ANKRD62: variants seen among roughly 807,000 people sequenced by gnomAD.
The protein encoded by ANKRD62 is ankyrin repeat domain-containing protein 62.
A neutral mutation model predicts 98.8 loss-of-function variants in ANKRD62; 61 were observed. The ratio of observed to expected loss-of-function variants is 0.62; its 90% CI spans 0.50 to 0.76. The LOEUF (loss-of-function observed/expected upper bound fraction) is 0.76, where lower values mean the gene tolerates loss of function less well. Ranked by LOEUF, ANKRD62 falls within the 30% of genes least tolerant of loss-of-function variation. The pLI is 0.00. For missense variants in ANKRD62, 933 were observed against 1,082.9 expected (o/e 0.86, Z 1.94); for synonymous variants, 341 against 367.9 (o/e 0.93, Z 0.84).
At chr18:12,102,702 G>C (rs990083770) in intron 6 of ANKRD62, 6 of 1,035,742 alleles carry the variant, frequency 5.8e-6, no homozygotes, top group Non-Finnish European at 7.0e-6. Flanking sequence ...ATAATGAACG[G>C]GGTGTATATG....
At chr18:12,139,490 G>A in the ANKRD62 span, among the ~76,000 whole-genome samples, 134,350 of 151,864 alleles carry the variant, frequency 0.88, 59,552 homozygotes, top group Middle Eastern at 0.98. Flanking sequence ...TAAAAATACT[G>A]AAAAAATGAG....
the ANKRD62 span, among the ~76,000 whole-genome samples, chr18:12,162,938 T>C: frequency 2.0e-4 from 31 of 152,210 alleles, no homozygotes; most frequent in Middle Eastern, 6.8e-3. Flanking sequence ...TAGTTTGAGG[T>C]CAGGAAATGT....
At chr18:12,139,459 A>G in the ANKRD62 span, among the ~76,000 whole-genome samples, 1 of 152,196 alleles carries the variant, frequency 6.6e-6, no homozygotes, top group African/African-American at 2.4e-5. Flanking sequence ...CCTGGCTAAC[A>G]TGGTGAAACC....
the ANKRD62 span, among the ~76,000 whole-genome samples, chr18:12,170,224 G>A: frequency 6.6e-6 from 1 of 151,982 alleles, no homozygotes; most frequent in Admixed American, 6.6e-5. Flanking sequence ...GTGATGTTAG[G>A]GTGTCAATTT....
chr18:12,100,959 G>A (rs963505630), intron 6 of ANKRD62, among the ~76,000 whole-genome samples: 1 of 152,150 alleles, frequency 6.6e-6, no homozygotes, highest in African/African-American at 2.4e-5. Context: ...ACCGGGGGCT[G>A]CCTCTTTGAA....
chr18:12,139,853 T>G, the ANKRD62 span, among the ~76,000 whole-genome samples: 2 of 152,144 alleles, frequency 1.3e-5, no homozygotes, highest in Non-Finnish European at 2.9e-5. Context: ...AGGAGTATCT[T>G]TGTGGCATTC....
chr18:12,120,509 G>A (rs927630276), intron 10 of ANKRD62, among the ~76,000 whole-genome samples: 1 of 152,090 alleles, frequency 6.6e-6, no homozygotes, highest in Non-Finnish European at 1.5e-5. Context: ...TCTTGCAGCC[G>A]ATTTGTGTCT....
At position 12,093,991 on chromosome 18, in the gene ANKRD62, G is replaced by T; in HGVS notation, c.-27G>T. 6.5e-7 allele frequency: 1 copy of T among 1,533,832 alleles called. No individual in the cohort carries two copies. Among genetic ancestry groups the T allele is most frequent in the Non-Finnish European group, 8.7e-7 (1 of 1,146,216 alleles). The stretch of plus-strand genomic sequence containing the variant: ...TGAGGTGTCTTAAAGCCGTTCCTCA[G>T]CCTGGGAGAAGATCTCTGGCTTCAG... On this transcript the variant is annotated 5_prime_UTR_variant, in exon 1 of 14. Transcript: ENST00000587848.
At chr18:12,101,017 T>A (rs774790613) in intron 6 of ANKRD62, among the ~76,000 whole-genome samples, 3 of 152,192 alleles carry the variant, frequency 2.0e-5, no homozygotes, top group Non-Finnish European at 4.4e-5. Context: ...AAAATACATG[T>A]AGGATAATGG....
chr18:12,171,547 C>T, the ANKRD62 span, among the ~76,000 whole-genome samples: 1 of 152,180 alleles, frequency 6.6e-6, no homozygotes, highest in Non-Finnish European at 1.5e-5. Context: ...GTCAACCCAA[C>T]CTTTCTCTCT....
At position 12,119,105 on chromosome 18, in the gene ANKRD62, A is replaced by C. The variant is rs74738833; in HGVS notation, c.1241-3198A>C. 3.1e-3 allele frequency among the ~76,000 whole-genome samples: 479 copies of C among 152,228 alleles called. 3 individuals are homozygous for C. Among genetic ancestry groups the C allele is most frequent in the African/African-American group, 0.011 (451 of 41,558 alleles). On this transcript the variant is annotated intron_variant, in intron 10 of 13. Coordinates refer to ENST00000587848, the MANE Select transcript of ANKRD62 (RefSeq NM_001277333.2). ...TCAGGTTATTTATTGCTTCTTGGTT[A>C]AGATTTAGTAATTTTCCCTTTTAAG...
chr18:12,095,275 C>T lies in ANKRD62; in HGVS notation c.323C>T (p.Ala108Val). The T allele has an allele frequency of 6.5e-7, 1 of 1,540,146 alleles. No homozygotes were observed. The highest frequency in any genetic ancestry group is 1.2e-5 in the South Asian group (1 of 84,060). ...CTCACTGACAGTGAAAACAGGACAG[C>T]TCTGATCAAGGTATATGGTAGCCAA... The part of the protein sequence containing the change: ...LNLTDSENRT[A>V]LIKAVQCQEE... The change falls in exon 2 of 14, where the codon GCT (alanine) becomes GTT (valine). Residue 108 changes from alanine to valine, a missense_variant. By Grantham distance (64) the Ala-to-Val change is moderately conservative. Transcript: ENST00000587848.
chr18:12,113,530 G>A (rs1315154199), intron 8 of ANKRD62, among the ~76,000 whole-genome samples: 1 of 152,216 alleles, frequency 6.6e-6, no homozygotes, highest in Admixed American at 6.5e-5. Context: ...GGAGGCTAAG[G>A]CAGGAGAATT....
At chr18:12,158,246 A>G in the ANKRD62 span, among the ~76,000 whole-genome samples, 1 of 152,210 alleles carries the variant, frequency 6.6e-6, no homozygotes, top group Non-Finnish European at 1.5e-5. Context: ...TAGCCAGCTG[A>G]TGCTGATCAC....
the ANKRD62 span, among the ~76,000 whole-genome samples, chr18:12,156,826 T>C: frequency 1.3e-5 from 2 of 152,240 alleles, no homozygotes; most frequent in African/African-American, 2.4e-5. Flanking sequence ...CTTTGAGTCA[T>C]TGCTTGATTG....
the ANKRD62 span, among the ~76,000 whole-genome samples, chr18:12,153,864 C>T: frequency 6.6e-6 from 1 of 152,146 alleles, no homozygotes; most frequent in African/African-American, 2.4e-5. Context: ...GGGAAAGATT[C>T]CCTATTCAGT....
rs1159696369 is a variant in ANKRD62, at chr18:12,112,110, TCAA to T, written c.1065-2977_1065-2975del. Among the ~76,000 whole-genome samples, 13 of 81,864 alleles carry T rather than the reference TCAA, an allele frequency of 1.6e-4. No individual in the cohort carries two copies. In the South Asian group the frequency reaches 2.3e-3, roughly 15 times the overall value. The allele number at this position is 81,864 out of a possible 152,430, so 53.7% of individuals were successfully genotyped here. A position where few individuals can be genotyped will look rare whatever the true frequency, so the allele number is the denominator to read the frequency against. ...AGGCCGACAACAGCAAGACTCCAAC[TCAA>T]AAAAAAAAAAAAAAAAAAAAGTCAT... On this transcript the variant is annotated intron_variant, in intron 8 of 13. Coordinates refer to ENST00000587848, the MANE Select transcript of ANKRD62 (RefSeq NM_001277333.2).
the ANKRD62 span, among the ~76,000 whole-genome samples, chr18:12,177,445 A>G: frequency 1.3e-5 from 2 of 152,202 alleles, no homozygotes; most frequent in Admixed American, 6.5e-5. Context: ...GGGCATGGGC[A>G]ATAGTGAGAG....
At chr18:12,102,383 G>A in intron 6 of ANKRD62, 1 of 583,636 alleles carries the variant, frequency 1.7e-6, no homozygotes, top group Non-Finnish European at 3.2e-6. Flanking sequence ...TGCTGAGATA[G>A]GAGCAGGTGT....
Sources: gnomAD v4.1 joint callset for allele counts (sites outside exome capture counted in the v4.1 genomes callset) on GRCh38, gnomAD v4.1.1 for gene constraint, MANE v1.5 for transcripts, NCBI Gene and HGNC (gene_info 2026-07-23, HGNC 2026-07-21) for gene names.